Variants in SNX30 observed in about 807,000 individuals in gnomAD.
SNX30 encodes the protein sorting nexin-30.
SNX30 carries 24 observed loss-of-function variants against 46.4 expected under a neutral mutation model. That is an observed-to-expected ratio of 0.52 (90% CI 0.37 to 0.73). The LOEUF (loss-of-function observed/expected upper bound fraction) is 0.73, where lower values mean the gene tolerates loss of function less well. SNX30 is among the 30% of genes least tolerant of loss of function. The pLI is 0.00. For missense variants in SNX30, 533 were observed against 555.7 expected, an observed-to-expected ratio of 0.96 and a Z score of 0.41; for synonymous variants, 189 against 211.5, an observed-to-expected ratio of 0.89 and a Z score of 0.92.
chr9:112,793,589 G>C (rs778676458), intron 1 of SNX30, among the ~76,000 whole-genome samples: 18 of 152,114 alleles, frequency 1.2e-4, no homozygotes, highest in Non-Finnish European at 1.8e-4. Flanking sequence ...GGGGTTCAAG[G>C]ACATTTTCTA....
At chr9:112,847,142 T>A (rs1231988692) in intron 6 of SNX30, among the ~76,000 whole-genome samples, 1 of 152,226 alleles carries the variant, frequency 6.6e-6, no homozygotes, top group Non-Finnish European at 1.5e-5. Flanking sequence ...ATTAATTTGT[T>A]ATATTTGGAT....
chr9:112,757,120 T>C (rs1839362965), intron 1 of SNX30, among the ~76,000 whole-genome samples: 1 of 152,248 alleles, frequency 6.6e-6, no homozygotes, highest in African/African-American at 2.4e-5. Context: ...TCTGCTATTT[T>C]GTATCCGTTT....
intron 5 of SNX30, among the ~76,000 whole-genome samples, chr9:112,837,794 C>G (rs1840782813): frequency 6.6e-6 from 1 of 150,832 alleles, no homozygotes; most frequent in Non-Finnish European, 1.5e-5. Context: ...ATTTTTTAAC[C>G]TTTAAAAACA....
At chr9:112,777,554 G>T (rs1839766503) in intron 1 of SNX30, among the ~76,000 whole-genome samples, 1 of 150,054 alleles carries the variant, frequency 6.7e-6, no homozygotes, top group African/African-American at 2.5e-5. Flanking sequence ...AGTTTCCAGA[G>T]TAGCTGGGAC....
chr9:112,817,609 T>C (rs1251665966), intron 2 of SNX30, 96 bp from the exon 3 acceptor site: 2 of 706,312 alleles, frequency 2.8e-6, no homozygotes, highest in Non-Finnish European at 2.5e-6. Context: ...AAATATGATC[T>C]TGCCTAGTTT....
chr9:112,830,992 G>A (rs1840651557), intron 4 of SNX30, 109 bp downstream of exon 4: 13 of 1,175,374 alleles, frequency 1.1e-5, no homozygotes, highest in Non-Finnish European at 1.4e-5. Flanking sequence ...TTAACAAATA[G>A]CCGAGTGTGA....
chr9:112,768,167 T>G (rs1024270888), intron 1 of SNX30, among the ~76,000 whole-genome samples: 1 of 152,196 alleles, frequency 6.6e-6, no homozygotes, highest in African/African-American at 2.4e-5. Context: ...GGTACCTGTT[T>G]ACCTCCCTGG....
At position 112,873,625 on chromosome 9, in the gene SNX30, G is replaced by A. The variant is rs960384592; in HGVS notation, c.*4782G>A. 3 of 114,766 alleles carry A rather than the reference G, an allele frequency of 2.6e-5. No individual in the cohort carries two copies. Among genetic ancestry groups the A allele is most frequent in the Non-Finnish European group, 5.5e-5 (3 of 54,338 alleles). 7.1% of individuals were successfully genotyped at this position (114,766 alleles called of 1,614,324 possible). Reference sequence around the variant, plus strand: ...TTTTTGATAATGTAAGGAAACACAGGGACCACAAAACCTTTTTTTTTTTTT... The same window carrying A: ...TTTTTGATAATGTAAGGAAACACAGAGACCACAAAACCTTTTTTTTTTTTT... On this transcript the variant is annotated 3_prime_UTR_variant, in exon 9 of 9. Coordinates refer to ENST00000374232, the MANE Select transcript of SNX30 (RefSeq NM_001012994.2).
intron 1 of SNX30, among the ~76,000 whole-genome samples, chr9:112,751,423 G>T (rs1010940858): frequency 6.6e-6 from 1 of 152,222 alleles, no homozygotes; most frequent in African/African-American, 2.4e-5. Context: ...CCTGCGTGTT[G>T]GAGCGGGAGG....
At chr9:112,849,634 A>G (rs541398678) in intron 6 of SNX30, among the ~76,000 whole-genome samples, 1 of 152,352 alleles carries the variant, frequency 6.6e-6, no homozygotes, top group African/African-American at 2.4e-5. Context: ...TCCTAAAGCA[A>G]ACTTTTCAGA....
intron 1 of SNX30, among the ~76,000 whole-genome samples, chr9:112,804,357 G>A (rs573724994): frequency 6.6e-6 from 1 of 152,176 alleles, no homozygotes. Flanking sequence ...TAGAGACGGG[G>A]TTTCACCATG....
At chr9:112,861,218 T>A (rs1187769329) in intron 7 of SNX30, among the ~76,000 whole-genome samples, 2 of 152,178 alleles carry the variant, frequency 1.3e-5, no homozygotes, top group Non-Finnish European at 2.9e-5. Flanking sequence ...TGGTGATAGC[T>A]GGGTGCAGGA....
chr9:112,846,360 G>A (rs1213705039), intron 6 of SNX30, among the ~76,000 whole-genome samples: 1 of 152,144 alleles, frequency 6.6e-6, no homozygotes, highest in East Asian at 1.9e-4. Context: ...TTAAAATGAG[G>A]GGATAATGTG....
At chr9:112,842,144 C>T (rs1840870289) in intron 6 of SNX30, among the ~76,000 whole-genome samples, 1 of 152,200 alleles carries the variant, frequency 6.6e-6, no homozygotes, top group South Asian at 2.1e-4. Context: ...GGTTTCACGA[C>T]GTTGGCCAGG....
intron 1 of SNX30, among the ~76,000 whole-genome samples, chr9:112,759,888 G>A (rs1839409963): frequency 6.6e-6 from 1 of 152,180 alleles, no homozygotes; most frequent in African/African-American, 2.4e-5. Context: ...ATGTCACTGG[G>A]TTGATAGGAA....
intron 4 of SNX30, among the ~76,000 whole-genome samples, chr9:112,834,843 AACACACACACACACACACAC>A (rs79118828): frequency 1.3e-5 from 1 of 78,320 alleles, no homozygotes; most frequent in African/African-American, 4.7e-5. Context: ...CACACACACA[AACACACACACACACACACAC>A]ACACACACAC....
In SNX30 at chr9:112,756,347, C is replaced by T. The variant is rs187356670; in HGVS notation, c.156+5190C>T. ...ACTTACTGTCTTCTGAAATCATGTC[C>T]TCACCACGGGGCTTTAATCATTCAC... On this transcript the variant is annotated intron_variant, in intron 1 of 8. Coordinates refer to ENST00000374232, the MANE Select transcript of SNX30 (RefSeq NM_001012994.2). 1.3e-3 allele frequency among the ~76,000 whole-genome samples: 197 copies of T among 152,074 alleles called. 1 individual carries two copies. The highest frequency in any genetic ancestry group is 4.7e-3 in the African/African-American group (193 of 41,492).
chr9:112,807,362 G>A (rs1332701746), intron 2 of SNX30, among the ~76,000 whole-genome samples: 2 of 152,052 alleles, frequency 1.3e-5, no homozygotes, highest in East Asian at 1.9e-4. Flanking sequence ...CGCTGTGTCC[G>A]GCTGCTACCC....
intron 3 of SNX30, among the ~76,000 whole-genome samples, chr9:112,829,574 G>A (rs193274475): frequency 1.3e-5 from 2 of 152,368 alleles, no homozygotes; most frequent in South Asian, 2.1e-4. Flanking sequence ...GAGCCACCAC[G>A]CCCAGCCTTG....
Sources: gnomAD v4.1 joint callset for allele counts (sites outside exome capture counted in the v4.1 genomes callset) on GRCh38, gnomAD v4.1.1 for gene constraint, MANE v1.5 for transcripts, NCBI Gene and HGNC (gene_info 2026-07-23, HGNC 2026-07-21) for gene names.